Variants in CFAP20DC observed in about 807,000 individuals in gnomAD.
The protein encoded by CFAP20DC is protein CFAP20DC.
CFAP20DC carries 84 observed loss-of-function variants against 101.7 expected under a neutral mutation model. The observed-to-expected ratio is 0.83, with a 90% confidence interval of 0.69 to 0.99. The LOEUF (loss-of-function observed/expected upper bound fraction) is 0.99. Ranked by LOEUF, CFAP20DC falls within the 50% of genes least tolerant of loss-of-function variation. The pLI is 0.00. For missense variants in CFAP20DC, 1,007 were observed against 970.3 expected (o/e 1.04, Z -0.50); for synonymous variants, 359 against 351.2 (o/e 1.02, Z -0.25).
At chr3:58,823,210 A>C (rs1015674818) in intron 14 of CFAP20DC, among the ~76,000 whole-genome samples, 1 of 152,174 alleles carries the variant, frequency 6.6e-6, no homozygotes, top group African/African-American at 2.4e-5. Flanking sequence ...TTGTTGCAAC[A>C]GAGGCCTTGG....
Position 58,811,794 on chromosome 3 carries a change from G to A in CFAP20DC, c.2176-5338C>T, listed in dbSNP as rs373406585. On this transcript the variant is annotated intron_variant, in intron 14 of 16. Transcript: ENST00000482387. ...ACCTACAAAATGGGAGAAAATTTTC[G>A]CAACCTGCTCATCTGACAAAGGGCT... Among the ~76,000 whole-genome samples the A allele has an allele frequency of 6.9e-4, 104 of 151,466 alleles. 1 individual carries two copies. In the South Asian group the frequency reaches 7.5e-3, roughly 11 times the overall value.
chr3:58,923,047 C>G (rs1207143939), intron 5 of CFAP20DC, among the ~76,000 whole-genome samples: 3 of 152,070 alleles, frequency 2.0e-5, no homozygotes, highest in African/African-American at 7.2e-5. Flanking sequence ...GCTGGGACTA[C>G]AGGTGTGTGC....
At chr3:58,794,145 T>TA in intron 15 of CFAP20DC, 1 of 322,882 alleles carries the variant, frequency 3.1e-6, no homozygotes, top group South Asian at 2.6e-5. Context: ...CTACTGTTGT[T>TA]AGCCTCAAAA....
intron 4 of CFAP20DC, among the ~76,000 whole-genome samples, chr3:58,954,060 C>T (rs1223739823): frequency 1.3e-5 from 2 of 152,158 alleles, no homozygotes; most frequent in Non-Finnish European, 2.9e-5. Flanking sequence ...AGGTTTATAA[C>T]TCAGCTATGG....
intron 13 of CFAP20DC, among the ~76,000 whole-genome samples, chr3:58,845,657 A>G (rs2077570674): frequency 6.6e-6 from 1 of 152,132 alleles, no homozygotes. Flanking sequence ...TCCCTAACTC[A>G]TTTGATGAGG....
intron 16 of CFAP20DC, chr3:58,753,561 G>C (rs1221648659): frequency 6.3e-6 from 3 of 474,820 alleles, no homozygotes; most frequent in Non-Finnish European, 1.1e-5. Context: ...TTAACCTTTA[G>C]AAGAACAAGG....
At chr3:58,808,593 C>A (rs945358079) in intron 14 of CFAP20DC, among the ~76,000 whole-genome samples, 2 of 152,152 alleles carry the variant, frequency 1.3e-5, no homozygotes, top group East Asian at 3.8e-4. Flanking sequence ...CCAACCAGTA[C>A]CAGCCACTGC....
chr3:59,010,833 T>C (rs1264167927), intron 4 of CFAP20DC, among the ~76,000 whole-genome samples: 2 of 152,144 alleles, frequency 1.3e-5, no homozygotes, highest in East Asian at 3.8e-4. Context: ...TCAATACATT[T>C]AAGAAAATCA....
intron 15 of CFAP20DC, among the ~76,000 whole-genome samples, chr3:58,802,385 CT>C (rs1239738669): frequency 6.6e-6 from 1 of 152,220 alleles, no homozygotes; most frequent in Non-Finnish European, 1.5e-5. Context: ...CCCCACACTT[CT>C]CTACATTATG....
intron 4 of CFAP20DC, among the ~76,000 whole-genome samples, chr3:59,029,923 C>T (rs374043383): frequency 3.3e-5 from 5 of 152,106 alleles, no homozygotes; most frequent in East Asian, 1.9e-4. Flanking sequence ...ACTGAATGAA[C>T]GAGTAATTCC....
At chr3:58,716,194 G>A (rs912196858), downstream of CFAP20DC, among the ~76,000 whole-genome samples, 2 of 124,940 alleles carry the variant, frequency 1.6e-5, no homozygotes, top group Non-Finnish European at 3.1e-5. Context: ...TCGCTCTGTC[G>A]CCCAGGCGGG....
chr3:58,768,705 C>A (rs2107472410), intron 15 of CFAP20DC, among the ~76,000 whole-genome samples: 1 of 152,312 alleles, frequency 6.6e-6, no homozygotes, highest in Middle Eastern at 3.4e-3. Flanking sequence ...TAGCCTGGTT[C>A]TATTGCCCCA....
intron 4 of CFAP20DC, among the ~76,000 whole-genome samples, chr3:58,974,533 C>A (rs2092158067): frequency 2.0e-5 from 3 of 151,962 alleles, no homozygotes; most frequent in South Asian, 2.1e-4. Context: ...TTTAAGCATA[C>A]CCTTAGAATG....
downstream of CFAP20DC, among the ~76,000 whole-genome samples, chr3:58,741,633 A>C (rs935049573): frequency 1.3e-5 from 2 of 151,936 alleles, no homozygotes; most frequent in Non-Finnish European, 2.9e-5. Context: ...AGTAGCTGGG[A>C]CTACAGGCGC....
At chr3:59,048,343 T>C (rs745867922) in intron 1 of CFAP20DC, among the ~76,000 whole-genome samples, 6 of 152,216 alleles carry the variant, frequency 3.9e-5, no homozygotes, top group Admixed American at 6.5e-5. Flanking sequence ...AGGTAAGACA[T>C]TTAATGTCTT....
At chr3:58,885,365 A>G (rs1300440513) in intron 6 of CFAP20DC, among the ~76,000 whole-genome samples, 1 of 152,018 alleles carries the variant, frequency 6.6e-6, no homozygotes, top group East Asian at 1.9e-4. Flanking sequence ...TTTTTAATTG[A>G]CAAATAGGAA....
rs141634997 is a variant in CFAP20DC, at chr3:59,006,459, T to C, written c.278+33098A>G. 2.5e-3 allele frequency among the ~76,000 whole-genome samples: 387 copies of C among 152,296 alleles called. 3 individuals are homozygous for C. Among genetic ancestry groups the C allele is most frequent in the African/African-American group, 8.8e-3 (364 of 41,572 alleles). ...AAAGAAGCAGCATGCTGCTGCAAAT[T>C]CTGCGAGACAGGCAAAAAACTGTGA... On this transcript the variant is annotated intron_variant, in intron 4 of 16. Coordinates refer to ENST00000482387, the MANE Select transcript of CFAP20DC (RefSeq NM_001394063.1). The surrounding 1 kb of genome is among the most constrained non-coding windows in gnomAD (Gnocchi z 4.3).
At chr3:58,947,852 A>G (rs1479156223) in intron 4 of CFAP20DC, among the ~76,000 whole-genome samples, 1 of 152,216 alleles carries the variant, frequency 6.6e-6, no homozygotes, top group Non-Finnish European at 1.5e-5. Context: ...TGACAGCACT[A>G]CAAGTCACAG....
intron 15 of CFAP20DC, among the ~76,000 whole-genome samples, chr3:58,804,364 CTT>C (rs375391531): frequency 2.3e-4 from 32 of 138,254 alleles, no homozygotes; most frequent in Admixed American, 2.9e-4. Flanking sequence ...CAAATTAGTT[CTT>C]TTTTTTTTTT....
Sources: allele counts gnomAD v4.1 joint callset (sites outside exome capture counted in the v4.1 genomes callset), GRCh38; gene constraint gnomAD v4.1.1; non-coding constraint Gnocchi (gnomAD v3.1); transcripts MANE v1.5; gene names NCBI Gene and HGNC (gene_info 2026-07-23, HGNC 2026-07-21).